GAPVD1: variants seen among roughly 807,000 people sequenced by gnomAD.
GAPVD1 encodes the protein GTPase activating protein and VPS9 domains 1, also known as GTPase-activating protein and VPS9 domain-containing protein 1.
Under a neutral mutation model 155.5 loss-of-function variants are expected in GAPVD1, and 35 were observed. The ratio of observed to expected loss-of-function variants is 0.23; its 90% confidence interval spans 0.17 to 0.30. The LOEUF is 0.30. Ranked by LOEUF, GAPVD1 falls within the 10% of genes least tolerant of loss-of-function variation. The probability of loss-of-function intolerance (pLI) is 1.00; values close to 1 mark genes in which losing one functional copy is unlikely to be tolerated. For missense variants in GAPVD1, 1,429 were observed against 1,775.7 expected, an observed-to-expected ratio of 0.80 and a Z score of 3.51; for synonymous variants, 636 against 619.7, an observed-to-expected ratio of 1.03 and a Z score of -0.39.
At chr9:125,265,972 G>A (rs490978) in intron 1 of GAPVD1, among the ~76,000 whole-genome samples, 89,240 of 147,906 alleles carry the variant, frequency 0.6, 28,883 homozygotes, top group African/African-American at 0.87. Context: ...TTAGGAGGAG[G>A]AAAAAAAAAC....
At chr9:125,328,797 C>G (rs1335702930) in intron 12 of GAPVD1, among the ~76,000 whole-genome samples, 1 of 151,242 alleles carries the variant, frequency 6.6e-6, no homozygotes, top group Non-Finnish European at 1.5e-5. Context: ...GCGCCCCTCA[C>G]CTCCCGGACG....
chr9:125,345,241 C>T (rs768586418), intron 19 of GAPVD1, among the ~76,000 whole-genome samples: 6 of 150,796 alleles, frequency 4.0e-5, no homozygotes, highest in East Asian at 1.9e-4. Context: ...AGTGCAGTGG[C>T]GCGATCTCAG....
At chr9:125,280,609 T>C (rs568825734) in intron 2 of GAPVD1, among the ~76,000 whole-genome samples, 11 of 149,972 alleles carry the variant, frequency 7.3e-5, no homozygotes, top group East Asian at 4.0e-4. Flanking sequence ...AGAGTCTCAC[T>C]GTGTTGTCCA....
intron 2 of GAPVD1, among the ~76,000 whole-genome samples, chr9:125,283,264 G>A (rs930277671): frequency 1.3e-5 from 2 of 151,836 alleles, no homozygotes; most frequent in East Asian, 3.9e-4. Context: ...TCACCATGTT[G>A]GTCAGGCTGG....
intron 10 of GAPVD1, among the ~76,000 whole-genome samples, chr9:125,323,003 A>T: frequency 6.6e-6 from 1 of 150,930 alleles, no homozygotes; most frequent in Middle Eastern, 3.2e-3. Context: ...CAGTGAGCCA[A>T]GATGGTGCCA....
intron 10 of GAPVD1, among the ~76,000 whole-genome samples, chr9:125,323,108 A>G (rs1844614840): frequency 6.6e-6 from 1 of 150,442 alleles, no homozygotes; most frequent in Admixed American, 6.7e-5. Flanking sequence ...TAGATTAATT[A>G]TTATTATTAT....
intron 21 of GAPVD1, 34 bp from the exon 22 acceptor site, chr9:125,350,260 TA>T: frequency 8.4e-7 from 1 of 1,191,724 alleles, no homozygotes; most frequent in Non-Finnish European, 1.2e-6. Context: ...CATATCTGGA[TA>T]AAGAAATTAA....
At position 125,307,873 on chromosome 9, in the gene GAPVD1, A is replaced by G. The variant is rs1842101336; in HGVS notation, c.1434A>G (p.Leu478=). 1 of 1,597,914 alleles carries G rather than the reference A, an allele frequency of 6.3e-7. No homozygotes were observed. Among genetic ancestry groups the G allele is most frequent in the African/African-American group, 1.3e-5 (1 of 74,576 alleles). Residue 478 remains leucine (L), a synonymous_variant, in exon 8 of 28, where the codon TTA becomes TTG. Coordinates refer to ENST00000297933, the MANE Select transcript of GAPVD1 (RefSeq NM_001282680.3). ...ATTPANKKNR[L]PIATRSRSRT... is the part of the protein sequence containing the mutation. Reference sequence around the variant, plus strand: ...CTCCAGCAAATAAAAAGAATCGATTACCTATAGGTAAAGAGAATTTCTCGT... The same window carrying G: ...CTCCAGCAAATAAAAAGAATCGATTGCCTATAGGTAAAGAGAATTTCTCGT...
chr9:125,263,481 T>C (rs1036158590), intron 1 of GAPVD1: 3 of 676,272 alleles, frequency 4.4e-6, no homozygotes, highest in South Asian at 1.6e-5. Context: ...ACTCCTGAAA[T>C]AGAAATAAGG....
chr9:125,341,624 T>G (rs1373005159), intron 18 of GAPVD1: 3 of 170,480 alleles, frequency 1.8e-5, no homozygotes, highest in African/African-American at 7.2e-5. Context: ...AAACTCATCC[T>G]TTACATTCCT....
At chr9:125,348,594 C>A (rs1475327105) in intron 20 of GAPVD1, among the ~76,000 whole-genome samples, 1 of 152,082 alleles carries the variant, frequency 6.6e-6, no homozygotes, top group Non-Finnish European at 1.5e-5. Flanking sequence ...CTCACTGCAA[C>A]CTCCACCTCC....
chr9:125,305,371 G>GTT (rs34474690), intron 6 of GAPVD1, among the ~76,000 whole-genome samples: 75 of 111,536 alleles, frequency 6.7e-4, no homozygotes, highest in Non-Finnish European at 9.1e-4. Flanking sequence ...ATTTTAAAAA[G>GTT]TTTTTTTTTT....
chr9:125,301,763 T>C (rs991682758), intron 4 of GAPVD1, among the ~76,000 whole-genome samples: 4 of 152,144 alleles, frequency 2.6e-5, no homozygotes, highest in African/African-American at 9.7e-5. Flanking sequence ...ATACTTTTCA[T>C]TGATTCTGAT....
At chr9:125,263,783 CT>C in intron 1 of GAPVD1, 1 of 998,728 alleles carries the variant, frequency 1.0e-6, no homozygotes. Context: ...CCCTCCAGAC[CT>C]TTAGGCTGAG....
rs145310094 is a variant in GAPVD1 at position 125,282,240 on chromosome 9, C to G, written c.-149-13218C>G. On this transcript the variant is annotated intron_variant, in intron 2 of 27. Transcript: ENST00000297933. ...GTTGCAGTGAGCTGAGATCACGCCACTGCACTCCAGCCTGGCAACAGAGCG... is the reference window on the plus strand; with the variant it reads ...GTTGCAGTGAGCTGAGATCACGCCAGTGCACTCCAGCCTGGCAACAGAGCG... Among the ~76,000 whole-genome samples the G allele has an allele frequency of 1.6e-3, 250 of 152,282 alleles. 1 individual carries two copies. Among genetic ancestry groups the G allele is most frequent in the African/African-American group, 5.6e-3 (233 of 41,586 alleles).
chr9:125,308,100 C>G (rs541406620), intron 8 of GAPVD1: 1 of 593,786 alleles, frequency 1.7e-6, no homozygotes, highest in Non-Finnish European at 3.0e-6. Flanking sequence ...TAATTGAAGT[C>G]ATGCTATCCA....
chr9:125,293,866 A>ATATTTTT (rs1554757136), intron 2 of GAPVD1, among the ~76,000 whole-genome samples: 3 of 17,546 alleles, frequency 1.7e-4, no homozygotes, highest in East Asian at 1.1e-3. Flanking sequence ...ATATATATAT[A>ATATTTTT]TATATATATA....
intron 22 of GAPVD1, 117 bp downstream of exon 22, chr9:125,350,521 T>G: frequency 1.3e-6 from 1 of 756,398 alleles, no homozygotes; most frequent in Non-Finnish European, 2.3e-6. Context: ...ACTTAATATG[T>G]TTACATTAGT....
intron 12 of GAPVD1, 79 bp from the exon 13 acceptor site, chr9:125,329,999 A>T: frequency 8.6e-7 from 1 of 1,158,054 alleles, no homozygotes; most frequent in Non-Finnish European, 1.2e-6. Context: ...TTTGTTAGCT[A>T]GTGTTTGGCT....
Sources: allele counts gnomAD v4.1 joint callset (sites outside exome capture counted in the v4.1 genomes callset), GRCh38; gene constraint gnomAD v4.1.1; transcripts MANE v1.5; gene names NCBI Gene and HGNC (gene_info 2026-07-23, HGNC 2026-07-21).